The following SLX9 variants were observed in gnomAD, a reference collection of about 807,000 sequenced individuals.
SLX9 encodes ribosome biogenesis protein SLX9 homolog.
In SLX9, 19 loss-of-function variants were observed where a neutral mutation model predicts 20.8. The ratio of observed to expected loss-of-function variants is 0.91; its 90% CI spans 0.64 to 1.34. The LOEUF (loss-of-function observed/expected upper bound fraction) is 1.34, where lower values mean the gene tolerates loss of function less well. SLX9 is among the 40% of genes most tolerant of loss of function. The pLI is 0.00. For missense variants in SLX9, 299 were observed against 322.2 expected (o/e 0.93, Z 0.55); for synonymous variants, 113 against 137.1 (o/e 0.82, Z 1.23).
chr21:44,947,271 G>A (rs1160541306), intron 2 of SLX9, among the ~76,000 whole-genome samples: 1 of 152,216 alleles, frequency 6.6e-6, no homozygotes, highest in Non-Finnish European at 1.5e-5. Context: ...CTATGGAGGT[G>A]AGGTGGCGGC....
chr21:44,956,793 C>G (rs1187953188), intron 2 of SLX9, among the ~76,000 whole-genome samples: 1 of 152,244 alleles, frequency 6.6e-6, no homozygotes, highest in Non-Finnish European at 1.5e-5. Context: ...TGTCTGCTGA[C>G]CTGGTGAGGG....
Position 44,960,108 on chromosome 21 carries a change from G to T in SLX9, c.292G>T (p.Ala98Ser). Residue 98 changes from alanine (A) to serine (S), a missense_variant, in exon 3 of 6, where the codon GCC becomes TCC. By Grantham distance (99) the Ala-to-Ser change is moderately conservative. Coordinates refer to ENST00000291634, the MANE Select transcript of SLX9 (RefSeq NM_058190.4). ...GTGTTCTCTTTCCTCAGGTGCAGAGGCCAAGACCGTTTTGCCCAAGAAGGA... is the reference window on the plus strand; with the variant it reads ...GTGTTCTCTTTCCTCAGGTGCAGAGTCCAAGACCGTTTTGCCCAAGAAGGA... ...SVPSIRRGAE[A>S]KTVLPKKEKM... 1 of 1,614,240 alleles carries T rather than the reference G, an allele frequency of 6.2e-7. No homozygotes were observed.
chr21:44,951,499 C>T (rs957202794), intron 2 of SLX9, among the ~76,000 whole-genome samples: 1 of 152,162 alleles, frequency 6.6e-6, no homozygotes, highest in Non-Finnish European at 1.5e-5. Context: ...CACCGTGCCT[C>T]ACTCACTGTC....
rs796452760 is a variant in SLX9, at chr21:44,946,511, C to G, written c.283+2674C>G. Among the ~76,000 whole-genome samples, 5 of 152,200 alleles carry G rather than the reference C, an allele frequency of 3.3e-5. No individual in the cohort carries two copies. The South Asian group carries it at 6.2e-4, about 19-fold the overall frequency. ...CCTTGGCCTGGGGAGGCACTTAGTG[C>G]TTCTGGCCAGGAGCCGGTGGCTTTG... On this transcript the variant is annotated intron_variant, in intron 2 of 5. Coordinates refer to ENST00000291634, the MANE Select transcript of SLX9 (RefSeq NM_058190.4).
chr21:44,973,353 C>T, intron 5 of SLX9, 88 bp downstream of exon 5: 1 of 1,051,820 alleles, frequency 9.5e-7, no homozygotes. Flanking sequence ...CTCCTATGTG[C>T]CCTCACCCCG....
chr21:44,954,391 C>T (rs2084815879), intron 2 of SLX9, among the ~76,000 whole-genome samples: 1 of 152,134 alleles, frequency 6.6e-6, no homozygotes, highest in Non-Finnish European at 1.5e-5. Context: ...AGGCCACCTT[C>T]TCTCGGGAGG....
intron 2 of SLX9, among the ~76,000 whole-genome samples, chr21:44,944,909 T>C (rs990817489): frequency 6.6e-6 from 1 of 152,244 alleles, no homozygotes; most frequent in African/African-American, 2.4e-5. Flanking sequence ...ATCTCCTAAG[T>C]TCTGGCAGTT....
chr21:44,961,766 T>C (rs1568939911), intron 3 of SLX9, among the ~76,000 whole-genome samples: 1 of 152,260 alleles, frequency 6.6e-6, no homozygotes, highest in Non-Finnish European at 1.5e-5. Context: ...CCAATTCTAC[T>C]CTTTTGTCTT....
intron 2 of SLX9, among the ~76,000 whole-genome samples, chr21:44,954,310 G>A (rs1056699600): frequency 2.0e-5 from 3 of 152,172 alleles, no homozygotes; most frequent in South Asian, 2.1e-4. Context: ...GGGGCCGAGC[G>A]TTGTGTGGGT....
chr21:44,952,425 G>A (rs1344847223), intron 2 of SLX9, among the ~76,000 whole-genome samples: 2 of 152,270 alleles, frequency 1.3e-5, no homozygotes, highest in Non-Finnish European at 2.9e-5. Context: ...ACATCAGAGT[G>A]TGTGGCCTGA....
chr21:44,966,978 G>T, intron 3 of SLX9, 56 bp from the exon 4 acceptor site: 1 of 1,558,392 alleles, frequency 6.4e-7, no homozygotes, highest in Non-Finnish European at 8.7e-7. Flanking sequence ...GAGGCTCTGG[G>T]CCTGGGCTCC....
At chr21:44,939,845 G>A (rs2084504784), upstream of SLX9, 1 of 572,008 alleles carries the variant, frequency 1.7e-6, no homozygotes. Context: ...CGCGCCACCC[G>A]CGTCCTCCGG....
rs1195800301 is a variant in SLX9, at chr21:44,957,711, C to G, written c.284-2389C>G. ...TGCAGCATGTTCCCCCACAGGGAGG[C>G]CTGGGCTCTGTCTTGGGGGGGTCCT... On this transcript the variant is annotated intron_variant, in intron 2 of 5. Transcript: ENST00000291634. 2.0e-5 allele frequency among the ~76,000 whole-genome samples: 3 copies of G among 152,154 alleles called. 1 individual carries two copies. In the East Asian group the frequency reaches 5.8e-4, roughly 29 times the overall value.
At chr21:44,955,207 C>CA (rs560489212) in intron 2 of SLX9, among the ~76,000 whole-genome samples, 120,190 of 138,738 alleles carry the variant, frequency 0.87, 51,856 homozygotes, top group African/African-American at 0.9. Flanking sequence ...GACTTTGTCT[C>CA]AAAAAAAAAA....
intron 1 of SLX9, among the ~76,000 whole-genome samples, chr21:44,941,815 C>T (rs184745263): frequency 4.3e-4 from 65 of 152,338 alleles, no homozygotes; most frequent in Admixed American, 4.2e-3. Flanking sequence ...GGCACCCTGC[C>T]CTCTGCATCT....
chr21:44,942,725 T>G (rs2084570986), intron 1 of SLX9, among the ~76,000 whole-genome samples: 1 of 152,156 alleles, frequency 6.6e-6, no homozygotes, highest in Non-Finnish European at 1.5e-5. Context: ...ACTTTGTGCT[T>G]CTTTGAGAGG....
chr21:44,940,195 G>A lies in SLX9; in HGVS notation c.129+9G>A. Reference sequence around the variant, plus strand: ...CCTCGGCCGCGGGGAAGGTGAGCTGGGGAGGCGCTGGCCGGGGGCTGCCGC... The same window carrying A: ...CCTCGGCCGCGGGGAAGGTGAGCTGAGGAGGCGCTGGCCGGGGGCTGCCGC... On this transcript the variant is annotated intron_variant, in intron 1 of 5. Coordinates refer to ENST00000291634, the MANE Select transcript of SLX9 (RefSeq NM_058190.4). 2 of 1,239,576 alleles carry A rather than the reference G, an allele frequency of 1.6e-6. No homozygotes were observed. The highest frequency in any genetic ancestry group is 2.0e-6 in the Non-Finnish European group (2 of 988,206). The allele number at this position is 1,239,576 out of a possible 1,614,324, so 76.8% of individuals were successfully genotyped here. A position where few individuals can be genotyped will look rare whatever the true frequency, so the allele number is the denominator to read the frequency against.
At chr21:44,940,972 A>G (rs1319012425) in intron 1 of SLX9, among the ~76,000 whole-genome samples, 1 of 151,778 alleles carries the variant, frequency 6.6e-6, no homozygotes, top group Non-Finnish European at 1.5e-5. Context: ...AATCTATCTT[A>G]ATTCAAGTTT....
Position 44,943,723 on chromosome 21 carries a change from A to G in SLX9, c.169A>G (p.Lys57Glu). ...FINTNIFART[K>E]IDPSALVQKL... ...CAACACCAACATCTTTGCCAGGACC[A>G]AGATAGACCCCAGCGCCTTGGTGCA... The change falls in exon 2 of 6, where the codon AAG (lysine) becomes GAG (glutamate). Residue 57 changes from lysine to glutamate, a missense_variant. Transcript: ENST00000291634. The G allele has an allele frequency of 1.9e-6, 3 of 1,614,216 alleles. No homozygotes were observed. Among genetic ancestry groups the G allele is most frequent in the Non-Finnish European group, 2.5e-6 (3 of 1,180,026 alleles).
Sources: allele counts gnomAD v4.1 joint callset (sites outside exome capture counted in the v4.1 genomes callset), GRCh38; gene constraint gnomAD v4.1.1; transcripts MANE v1.5; gene names NCBI Gene and HGNC (gene_info 2026-07-23, HGNC 2026-07-21).